The following TCEANC2 variants were observed in gnomAD, a reference collection of about 807,000 sequenced individuals.
TCEANC2 encodes the protein transcription elongation factor A N-terminal and central domain-containing protein 2.
TCEANC2 carries 20 observed loss-of-function variants against 22.8 expected under a neutral mutation model. The observed-to-expected ratio is 0.88, with a 90% CI of 0.62 to 1.28. The LOEUF (loss-of-function observed/expected upper bound fraction) is 1.28. Ranked by LOEUF, TCEANC2 falls within the 50% of genes most tolerant of loss-of-function variation. The probability of loss-of-function intolerance (pLI) is 0.00; values close to 1 mark genes in which losing one functional copy is unlikely to be tolerated. For synonymous variants in TCEANC2, 84 were observed against 95.5 expected, an observed-to-expected ratio of 0.88 and a Z score of 0.70; for missense variants, 251 against 249.7, an observed-to-expected ratio of 1.01 and a Z score of -0.03.
rs1004188738 is a variant in TCEANC2 at position 54,101,372 on chromosome 1, C to T, written c.*4899C>T. 6.6e-6 allele frequency: 1 copy of T among 152,146 alleles called. No homozygotes were observed. The highest frequency in any genetic ancestry group is 1.5e-5 in the Non-Finnish European group (1 of 68,016). 9.4% of individuals were successfully genotyped at this position (152,146 alleles called of 1,614,324 possible). ...GTTTGATTGGATGACATTGTATTTT[C>T]TTTAAATCAATCAAAATGATACAAT... On this transcript the variant is annotated 3_prime_UTR_variant, in exon 5 of 5. Coordinates refer to ENST00000234827, the MANE Select transcript of TCEANC2 (RefSeq NM_153035.3).
chr1:54,058,291 C>T (rs1348759301), intron 2 of TCEANC2, among the ~76,000 whole-genome samples: 1 of 152,184 alleles, frequency 6.6e-6, no homozygotes, highest in African/African-American at 2.4e-5. Context: ...ACCCTTTTGT[C>T]CCTGAGACGC....
chr1:54,095,904 T>C (rs183307437), intron 4 of TCEANC2, among the ~76,000 whole-genome samples: 208 of 152,264 alleles, frequency 1.4e-3, no homozygotes, highest in Non-Finnish European at 2.3e-3. Context: ...GTCTCTAAAA[T>C]GCCGTAAGGA....
intron 3 of TCEANC2, among the ~76,000 whole-genome samples, chr1:54,074,734 C>T (rs1477501828): frequency 6.6e-6 from 1 of 152,120 alleles, no homozygotes; most frequent in East Asian, 1.9e-4. Flanking sequence ...TTGGATTTTG[C>T]AAAATGAAGT....
At chr1:54,085,873 A>C (rs939484875) in intron 3 of TCEANC2, among the ~76,000 whole-genome samples, 1 of 152,064 alleles carries the variant, frequency 6.6e-6, no homozygotes, top group East Asian at 1.9e-4. Context: ...AGCTGAGAGT[A>C]CAGGCATATG....
At chr1:54,070,145 G>A (rs1224488359) in intron 3 of TCEANC2, among the ~76,000 whole-genome samples, 1 of 152,188 alleles carries the variant, frequency 6.6e-6, no homozygotes, top group Admixed American at 6.5e-5. Flanking sequence ...ACCAGAATCT[G>A]AGAAAATCAG....
chr1:54,083,529 A>G lies in TCEANC2; in HGVS notation c.245-5068A>G, dbSNP rs140688473. ...GAGGCCAAGTAATGTCAGGATGGAG[A>G]AGGACTGCTGGATTCGACCAAGTCA... On this transcript the variant is annotated intron_variant, in intron 3 of 4. Coordinates refer to ENST00000234827, the MANE Select transcript of TCEANC2 (RefSeq NM_153035.3). Among the ~76,000 whole-genome samples the G allele has an allele frequency of 4.6e-5, 7 of 152,266 alleles. No individual in the cohort carries two copies. The East Asian group carries it at 1.2e-3, about 25-fold the overall frequency.
At chr1:54,056,215 T>C (rs1657748875) in intron 2 of TCEANC2, among the ~76,000 whole-genome samples, 1 of 152,234 alleles carries the variant, frequency 6.6e-6, no homozygotes, top group Admixed American at 6.5e-5. Flanking sequence ...TGAGGGATCA[T>C]GTCAGACTCT....
Position 54,096,164 on chromosome 1 carries a change from A to T in TCEANC2, c.439-121A>T. 7.2e-7 allele frequency: 1 copy of T among 1,390,282 alleles called. No homozygotes were observed. The highest frequency in any genetic ancestry group is 1.8e-5 in the South Asian group (1 of 57,030). The allele number at this position is 1,390,282 out of a possible 1,614,324, so 86.1% of individuals were successfully genotyped here. A position where few individuals can be genotyped will look rare whatever the true frequency, so the allele number is the denominator to read the frequency against. On this transcript the variant is annotated intron_variant, in intron 4 of 4. Transcript: ENST00000234827. This position sits in a 1 kb window ranked among gnomAD's most constrained non-coding sequence, Gnocchi z 4.9. ...TCTTCCTGTTTCTCTTGTGACAGGAAGTAGATGTCCTTGAATTTCAGTTGA... is the reference window on the plus strand; with the variant it reads ...TCTTCCTGTTTCTCTTGTGACAGGATGTAGATGTCCTTGAATTTCAGTTGA...
chr1:54,093,817 T>A (rs1658492048), intron 4 of TCEANC2, among the ~76,000 whole-genome samples: 1 of 151,726 alleles, frequency 6.6e-6, no homozygotes, highest in African/African-American at 2.4e-5. Context: ...CCTTCTTCTT[T>A]GATAACGACT....
chr1:54,093,075 T>A (rs1658477562), intron 4 of TCEANC2, among the ~76,000 whole-genome samples: 1 of 152,124 alleles, frequency 6.6e-6, no homozygotes, highest in African/African-American at 2.4e-5. Flanking sequence ...GCAGTTAGAA[T>A]TGTTAGTGAG....
chr1:54,089,946 C>A, intron 4 of TCEANC2: 1 of 770,384 alleles, frequency 1.3e-6, no homozygotes. Context: ...GAAACGTACA[C>A]CTGATTTTCA....
chr1:54,088,258 A>G (rs1439873932), intron 3 of TCEANC2, among the ~76,000 whole-genome samples: 1 of 152,230 alleles, frequency 6.6e-6, no homozygotes, highest in Admixed American at 6.5e-5. Flanking sequence ...GTCTTGAAAT[A>G]CAGTATGTAC....
intron 2 of TCEANC2, among the ~76,000 whole-genome samples, chr1:54,061,827 C>T (rs1657862653): frequency 6.6e-6 from 1 of 152,012 alleles, no homozygotes. Context: ...GACCATTGTA[C>T]TTCTGTTATC....
downstream of TCEANC2, among the ~76,000 whole-genome samples, chr1:54,110,699 C>T (rs953801825): frequency 4.6e-5 from 7 of 152,198 alleles, 1 homozygote; most frequent in Admixed American, 4.6e-4. Flanking sequence ...CAGTGGCCTA[C>T]AAGGTCCTCC....
intron 3 of TCEANC2, among the ~76,000 whole-genome samples, chr1:54,083,125 T>C (rs11206281): frequency 0.026 from 3,943 of 152,016 alleles, 109 homozygotes; most frequent in Middle Eastern, 0.078. Context: ...GGTGGGTGGG[T>C]GGTGGTGCCA....
chr1:54,062,739 T>A (rs1176821465), intron 2 of TCEANC2, among the ~76,000 whole-genome samples: 1 of 152,256 alleles, frequency 6.6e-6, no homozygotes, highest in East Asian at 1.9e-4. Flanking sequence ...TAAGTATTTA[T>A]CAGGTAAATG....
chr1:54,094,127 G>A (rs1658499817), intron 4 of TCEANC2, among the ~76,000 whole-genome samples: 1 of 152,164 alleles, frequency 6.6e-6, no homozygotes, highest in African/African-American at 2.4e-5. Flanking sequence ...TCTGTCATTA[G>A]GACCACAAAC....
At chr1:54,058,097 C>G (rs552221049) in intron 2 of TCEANC2, among the ~76,000 whole-genome samples, 1 of 152,122 alleles carries the variant, frequency 6.6e-6, no homozygotes, top group African/African-American at 2.4e-5. Context: ...ATTAATAATA[C>G]CTGTTTTATA....
chr1:54,056,175 T>G (rs1214737794), intron 2 of TCEANC2, among the ~76,000 whole-genome samples: 1 of 152,216 alleles, frequency 6.6e-6, no homozygotes, highest in Non-Finnish European at 1.5e-5. Context: ...AGAATATTCA[T>G]GGATAATTGT....
Sources: allele counts gnomAD v4.1 joint callset (sites outside exome capture counted in the v4.1 genomes callset), GRCh38; gene constraint gnomAD v4.1.1; non-coding constraint Gnocchi (gnomAD v3.1); transcripts MANE v1.5; gene names NCBI Gene and HGNC (gene_info 2026-07-23, HGNC 2026-07-21).